The following SCFD2 variants were observed in gnomAD, a reference collection of about 807,000 sequenced individuals.
SCFD2 encodes the protein sec1 family domain containing 2.
SCFD2 carries 54 observed loss-of-function variants against 58.9 expected under a neutral mutation model. The observed-to-expected ratio is 0.92, with a 90% CI of 0.74 to 1.15. The LOEUF is 1.15. Ranked by LOEUF, SCFD2 falls within the 50% of genes most tolerant of loss-of-function variation. The pLI is 0.00. For synonymous variants in SCFD2, 321 were observed against 335.9 expected (o/e 0.96, Z 0.49); for missense variants, 805 against 836.6 (o/e 0.96, Z 0.47).
intron 5 of SCFD2, among the ~76,000 whole-genome samples, chr4:53,060,858 G>C (rs1402049008): frequency 6.6e-6 from 1 of 152,094 alleles, no homozygotes; most frequent in Admixed American, 6.6e-5. Context: ...GCTTTGGGGA[G>C]CTTATTGCTA....
chr4:53,063,107 C>G (rs10517275), intron 5 of SCFD2, among the ~76,000 whole-genome samples: 52,004 of 151,886 alleles, frequency 0.34, 10,277 homozygotes, highest in Non-Finnish European at 0.42. Context: ...GTTTTGCATA[C>G]AAAAATAGGA....
Position 53,298,943 on chromosome 4 carries a change from G to C in SCFD2, c.1135+14693C>G, listed in dbSNP as rs191702011. ...GGACATCCACACCAAAAACCCATCT[G>C]TACGTCAACATCATCAAAGACCAAA... On this transcript the variant is annotated intron_variant, in intron 3 of 8. Transcript: ENST00000401642. Among the ~76,000 whole-genome samples the C allele has an allele frequency of 7.9e-4, 121 of 152,298 alleles. 2 individuals are homozygous for C. In the East Asian group the frequency reaches 0.017, roughly 21 times the overall value.
At chr4:53,085,939 A>G (rs1175810037) in intron 5 of SCFD2, among the ~76,000 whole-genome samples, 1 of 152,194 alleles carries the variant, frequency 6.6e-6, no homozygotes, top group Non-Finnish European at 1.5e-5. Flanking sequence ...AAACCACTAC[A>G]AGAAAATACC....
chr4:53,181,025 CA>C (rs879421958), intron 4 of SCFD2, among the ~76,000 whole-genome samples: 8 of 151,958 alleles, frequency 5.3e-5, no homozygotes, highest in Non-Finnish European at 1.2e-4. Flanking sequence ...GCTTACCAGC[CA>C]AAAAAAGTCC....
intron 5 of SCFD2, among the ~76,000 whole-genome samples, chr4:52,984,110 C>T (rs1198756224): frequency 1.3e-5 from 2 of 152,214 alleles, no homozygotes; most frequent in East Asian, 1.9e-4. Flanking sequence ...GTTCAAAAAG[C>T]ATCTCAAGCC....
At chr4:53,194,167 A>C (rs1727991833) in intron 4 of SCFD2, among the ~76,000 whole-genome samples, 1 of 152,172 alleles carries the variant, frequency 6.6e-6, no homozygotes, top group African/African-American at 2.4e-5. Context: ...TACCTTCTTC[A>C]TTTAAAATAC....
chr4:53,265,630 T>C (rs1224346664), intron 4 of SCFD2: 3 of 152,186 alleles, frequency 2.0e-5, no homozygotes, highest in Non-Finnish European at 2.9e-5. Flanking sequence ...GTCAGTTGTT[T>C]CATTCTCTTT....
intron 3 of SCFD2, among the ~76,000 whole-genome samples, chr4:53,298,989 T>C (rs1161171721): frequency 1.3e-5 from 2 of 151,852 alleles, no homozygotes; most frequent in Admixed American, 6.6e-5. Flanking sequence ...ACCACAAAGA[T>C]GGGGAAAAAA....
At chr4:52,938,145 C>T (rs547069018) in intron 5 of SCFD2, among the ~76,000 whole-genome samples, 5 of 152,328 alleles carry the variant, frequency 3.3e-5, no homozygotes, top group African/African-American at 1.2e-4. Flanking sequence ...ATTTATTGAG[C>T]ACTTACTATG....
chr4:52,933,563 T>C (rs900668335), intron 5 of SCFD2, among the ~76,000 whole-genome samples: 7 of 152,174 alleles, frequency 4.6e-5, no homozygotes, highest in African/African-American at 1.7e-4. Flanking sequence ...GCTCAGAGTG[T>C]AGCTCTTTCC....
chr4:52,958,207 A>T (rs1720755266), intron 5 of SCFD2: 1 of 152,256 alleles, frequency 6.6e-6, no homozygotes, highest in South Asian at 2.1e-4. Flanking sequence ...CCAATTAGAA[A>T]ATACACTCAT....
intron 4 of SCFD2, among the ~76,000 whole-genome samples, chr4:53,211,039 T>C (rs1190657184): frequency 1.3e-5 from 2 of 151,720 alleles, no homozygotes; most frequent in Non-Finnish European, 2.9e-5. Flanking sequence ...GGTCAGGAGA[T>C]CAAGACCATC....
intron 4 of SCFD2, among the ~76,000 whole-genome samples, chr4:53,263,084 T>A (rs376748728): frequency 5.9e-5 from 9 of 152,094 alleles, no homozygotes; most frequent in African/African-American, 2.2e-4. Context: ...TCTAAGTGTG[T>A]CTTTGATTTC....
At chr4:53,177,983 G>A (rs1029685253) in intron 4 of SCFD2, among the ~76,000 whole-genome samples, 5 of 152,200 alleles carry the variant, frequency 3.3e-5, no homozygotes, top group Non-Finnish European at 5.9e-5. Flanking sequence ...CGGGTTAGTT[G>A]TTTGATTAGG....
At chr4:52,903,340 C>A (rs1332892375) in intron 7 of SCFD2, among the ~76,000 whole-genome samples, 1 of 152,126 alleles carries the variant, frequency 6.6e-6, no homozygotes, top group Non-Finnish European at 1.5e-5. Flanking sequence ...ACCAGCTTTG[C>A]CTTGCTTAGT....
chr4:53,338,663 C>T (rs1210377102), intron 2 of SCFD2, among the ~76,000 whole-genome samples: 1 of 127,092 alleles, frequency 7.9e-6, no homozygotes, highest in Non-Finnish European at 1.6e-5. Context: ...TCACTGCAAG[C>T]TCCGCCTCCC....
intron 5 of SCFD2, among the ~76,000 whole-genome samples, chr4:52,943,973 AAG>A (rs1720356563): frequency 6.6e-6 from 1 of 152,196 alleles, no homozygotes; most frequent in Non-Finnish European, 1.5e-5. Flanking sequence ...GCCTAACTAC[AAG>A]AGCTCCAGGA....
chr4:52,977,797 G>A (rs1721287294), intron 5 of SCFD2, among the ~76,000 whole-genome samples: 1 of 152,132 alleles, frequency 6.6e-6, no homozygotes. Flanking sequence ...GAACACAGAG[G>A]CCAGGGCTCT....
chr4:53,127,744 A>C (rs1410379563), intron 5 of SCFD2, among the ~76,000 whole-genome samples: 2 of 152,120 alleles, frequency 1.3e-5, no homozygotes, highest in Non-Finnish European at 2.9e-5. Flanking sequence ...TGTGTCTGGG[A>C]CAGAGGGAAT....
Sources: gnomAD v4.1 joint callset for allele counts (sites outside exome capture counted in the v4.1 genomes callset) on GRCh38, gnomAD v4.1.1 for gene constraint, MANE v1.5 for transcripts, NCBI Gene and HGNC (gene_info 2026-07-23, HGNC 2026-07-21) for gene names.